Variants in ANGPTL5 observed in about 807,000 individuals in gnomAD.
ANGPTL5 encodes the protein angiopoietin-related protein 5.
In ANGPTL5, 34 loss-of-function variants were observed where a neutral mutation model predicts 39.4. The ratio of observed to expected loss-of-function variants is 0.86; its 90% CI spans 0.66 to 1.15. The LOEUF (loss-of-function observed/expected upper bound fraction) is 1.15. ANGPTL5 is among the 50% of genes most tolerant of loss of function. The pLI is 0.00. For synonymous variants in ANGPTL5, 146 were observed against 152.1 expected (o/e 0.96, Z 0.29); for missense variants, 467 against 457.5 (o/e 1.02, Z -0.19).
At chr11:101,911,923 T>C (rs1234218078) in intron 1 of ANGPTL5, among the ~76,000 whole-genome samples, 5 of 152,208 alleles carry the variant, frequency 3.3e-5, no homozygotes, top group Admixed American at 1.3e-4. Flanking sequence ...CATCCAGATA[T>C]TTGAATGGCA....
Position 101,904,214 on chromosome 11 carries a change from C to T in ANGPTL5, c.439+600G>A, listed in dbSNP as rs149595993. 2.4e-3 allele frequency among the ~76,000 whole-genome samples: 364 copies of T among 152,104 alleles called. 3 individuals are homozygous for T. The highest frequency in any genetic ancestry group is 8.3e-3 in the African/African-American group (345 of 41,512). ...AGGCACTGTTTATTGTCTTCTTTTT[C>T]GAAGAAGGACATAAAGATCATGTTC... On this transcript the variant is annotated intron_variant, in intron 5 of 8. Transcript: ENST00000334289.
At chr11:101,892,044 GA>G (rs1340635732) in intron 8 of ANGPTL5, among the ~76,000 whole-genome samples, 1 of 152,170 alleles carries the variant, frequency 6.6e-6, no homozygotes, top group African/African-American at 2.4e-5. Context: ...TACAGTTACA[GA>G]AGTTGGGGTT....
rs1555048792 is a variant in ANGPTL5 at position 101,910,424 on chromosome 11, A to ATATATAT, written c.-92-2424_-92-2423insATATATA. ...AAACTCCGTCTCAAAAAAAAAAAAA[A>ATATATAT]ATATATATATATATATATATATTCA... On this transcript the variant is annotated intron_variant, in intron 1 of 8. Coordinates refer to ENST00000334289, the MANE Select transcript of ANGPTL5 (RefSeq NM_178127.5). Among the ~76,000 whole-genome samples the ATATATAT allele has an allele frequency of 4.3e-3, 542 of 127,040 alleles. 1 individual carries two copies. The highest frequency in any genetic ancestry group is 5.6e-3 in the Non-Finnish European group (345 of 61,758). The allele number at this position is 127,040 out of a possible 152,430, so 83.3% of individuals were successfully genotyped here. A position where few individuals can be genotyped will look rare whatever the true frequency, so the allele number is the denominator to read the frequency against.
At position 101,891,451 on chromosome 11, in the gene ANGPTL5, C is replaced by A; in HGVS notation, c.995G>T (p.Gly332Val). ...TAGACCACACTCGTTAAACCACCAG[C>A]CGGTCTTGTTATGGAGGTGACTGCA... ...KSCSHLHNKT[G>V]WWFNECGLAN... is the part of the protein sequence containing the mutation. Residue 332 changes from glycine to valine, a missense_variant, in exon 9 of 9, where the codon GGC becomes GTC. Coordinates refer to ENST00000334289, the MANE Select transcript of ANGPTL5 (RefSeq NM_178127.5). 1 of 1,614,072 alleles carries A rather than the reference C, an allele frequency of 6.2e-7. No individual in the cohort carries two copies.
chr11:101,907,272 G>GA (rs751842999), intron 2 of ANGPTL5, 25 bp from the exon 3 acceptor site: 1 of 1,342,818 alleles, frequency 7.4e-7, no homozygotes, highest in Non-Finnish European at 1.0e-6. Context: ...ATAGAAATAA[G>GA]AAAAAAATAC....
chr11:101,902,804 T>C, intron 5 of ANGPTL5, 83 bp from the exon 6 acceptor site: 1 of 801,486 alleles, frequency 1.2e-6, no homozygotes, highest in Non-Finnish European at 2.1e-6. Flanking sequence ...TTGATAGTGC[T>C]ATTATCATAA....
intron 1 of ANGPTL5, chr11:101,915,172 C>T: frequency 1.3e-6 from 2 of 1,492,338 alleles, no homozygotes; most frequent in Non-Finnish European, 1.8e-6. Flanking sequence ...GCGCCCGTGA[C>T]GCGGGGCCTG....
In ANGPTL5 at chr11:101,891,172, C is replaced by T. The variant is rs1415658024; in HGVS notation, c.*107G>A. 3.0e-6 allele frequency: 3 copies of T among 1,004,144 alleles called. No individual in the cohort carries two copies. The highest frequency in any genetic ancestry group is 5.3e-5 in the East Asian group (2 of 37,844). The allele number at this position is 1,004,144 out of a possible 1,614,324, so 62.2% of individuals were successfully genotyped here. A position where few individuals can be genotyped will look rare whatever the true frequency, so the allele number is the denominator to read the frequency against. ...ACTCATAACATCTAAATGCCATCTA[C>T]AGTTAAATTTTGCCTAATATGTTTG... is the stretch of plus-strand genomic sequence containing the variant. On this transcript the variant is annotated 3_prime_UTR_variant, in exon 9 of 9. Transcript: ENST00000334289.
At chr11:101,901,004 A>G (rs1287848959) in intron 6 of ANGPTL5, among the ~76,000 whole-genome samples, 1 of 137,798 alleles carries the variant, frequency 7.3e-6, no homozygotes, top group Non-Finnish European at 1.5e-5. Flanking sequence ...GGCGCCCGCT[A>G]GCACCCCCGG....
intron 3 of ANGPTL5, among the ~76,000 whole-genome samples, chr11:101,906,783 T>C (rs1471716050): frequency 6.6e-6 from 1 of 152,164 alleles, no homozygotes; most frequent in Non-Finnish European, 1.5e-5. Flanking sequence ...TCTCTCTTTC[T>C]TATTTTCAGT....
rs1213796546 is a variant in ANGPTL5, at chr11:101,916,496, C to T, written c.-570G>A. 6.6e-6 allele frequency: 1 copy of T among 152,198 alleles called. No homozygotes were observed. The highest frequency in any genetic ancestry group is 1.9e-4 in the East Asian group (1 of 5,198). The allele number at this position is 152,198 out of a possible 1,614,324, so 9.4% of individuals were successfully genotyped here. A position where few individuals can be genotyped will look rare whatever the true frequency, so the allele number is the denominator to read the frequency against. The stretch of plus-strand genomic sequence containing the variant: ...GGCAGGTTCTCAAAATGGTAGCTTG[C>T]AATAGCTGCTTCTAGTTCCTCTCAT... On this transcript the variant is annotated 5_prime_UTR_variant, in exon 1 of 9. Transcript: ENST00000334289.
At chr11:101,915,423 C>T (rs774381609) in intron 1 of ANGPTL5, 1 of 1,599,230 alleles carries the variant, frequency 6.3e-7, no homozygotes, top group South Asian at 1.1e-5. Flanking sequence ...GTATCCTTCC[C>T]AGCCTGTGGC....
intron 1 of ANGPTL5, chr11:101,915,270 G>A (rs1260133581): frequency 1.9e-6 from 3 of 1,613,140 alleles, no homozygotes; most frequent in Non-Finnish European, 8.5e-7. Flanking sequence ...CAGACAGGCG[G>A]CGCTGAAGTG....
At chr11:101,907,595 T>A (rs76880133) in intron 2 of ANGPTL5, among the ~76,000 whole-genome samples, 1 of 152,142 alleles carries the variant, frequency 6.6e-6, no homozygotes, top group African/African-American at 2.4e-5. Context: ...CTGAAATGTC[T>A]TCAAAATATT....
intron 1 of ANGPTL5, among the ~76,000 whole-genome samples, chr11:101,908,517 G>C (rs982083398): frequency 1.6e-4 from 24 of 152,198 alleles, no homozygotes; most frequent in African/African-American, 5.8e-4. Context: ...AGTGGCTCAC[G>C]CCTGTAATCC....
At chr11:101,903,754 TCTGC>T (rs1939949794) in intron 5 of ANGPTL5, among the ~76,000 whole-genome samples, 1 of 152,172 alleles carries the variant, frequency 6.6e-6, no homozygotes, top group African/African-American at 2.4e-5. Flanking sequence ...GGTTGGAGTG[TCTGC>T]TATGTCATTA....
chr11:101,906,354 G>A (rs1939997467), intron 3 of ANGPTL5, among the ~76,000 whole-genome samples: 1 of 151,778 alleles, frequency 6.6e-6, no homozygotes, highest in South Asian at 2.1e-4. Context: ...CAAAGGTTTT[G>A]GTTATTTGGT....
At chr11:101,910,602 G>A (rs548134757) in intron 1 of ANGPTL5, among the ~76,000 whole-genome samples, 19 of 152,004 alleles carry the variant, frequency 1.2e-4, no homozygotes, top group Non-Finnish European at 2.2e-4. Flanking sequence ...AGCCTAACTC[G>A]TATTCCTTAT....
At position 101,915,364 on chromosome 11, in the gene ANGPTL5, C is replaced by G. The variant is rs200573063; in HGVS notation, c.-93+655G>C. On this transcript the variant is annotated intron_variant, in intron 1 of 8. Coordinates refer to ENST00000334289, the MANE Select transcript of ANGPTL5 (RefSeq NM_178127.5). ...TCATCGGACAACCTCGACAGAGCCC[C>G]CCTCGGCCCTCGGGAGAGCGGCGGG... 80 of 1,613,830 alleles carry G rather than the reference C, an allele frequency of 5.0e-5. No individual in the cohort carries two copies. The highest frequency in any genetic ancestry group is 6.4e-5 in the Non-Finnish European group (75 of 1,179,960).
Sources: allele counts gnomAD v4.1 joint callset (sites outside exome capture counted in the v4.1 genomes callset), GRCh38; gene constraint gnomAD v4.1.1; transcripts MANE v1.5; gene names NCBI Gene and HGNC (gene_info 2026-07-23, HGNC 2026-07-21).